Variants in INTS6L observed in about 807,000 individuals in gnomAD.
INTS6L encodes the protein integrator complex subunit 6 like, also known as integrator complex subunit 6-like.
A neutral mutation model predicts 64.7 loss-of-function variants in INTS6L; 18 were observed. That is an observed-to-expected ratio of 0.28 (90% CI 0.19 to 0.41). The LOEUF (loss-of-function observed/expected upper bound fraction) is 0.41, where lower values mean the gene tolerates loss of function less well. Among genes scored for constraint, INTS6L ranks in the 10% least tolerant of loss-of-function variants. The probability of loss-of-function intolerance (pLI) is 1.00; values close to 1 mark genes in which losing one functional copy is unlikely to be tolerated. For synonymous variants in INTS6L, 227 were observed against 235.9 expected, an observed-to-expected ratio of 0.96 and a Z score of 0.34; for missense variants, 533 against 661.0, an observed-to-expected ratio of 0.81 and a Z score of 2.12.
At chrX:135,551,528 G>C (rs781893735) in intron 7 of INTS6L, among the ~76,000 whole-genome samples, 9 of 112,056 alleles carry the variant, frequency 8.0e-5, no homozygotes, top group African/African-American at 2.9e-4. Context: ...CATCTTGCTT[G>C]TTCATGGCTT....
Position 135,545,498 on chromosome X carries a change from G to A in INTS6L, c.265G>A (p.Gly89Ser), listed in dbSNP as rs1028861615. The change falls in exon 3 of 18, where the codon GGT (glycine) becomes AGT (serine). Residue 89 changes from glycine (G) to serine (S), a missense_variant. Transcript: ENST00000639893. ...NLQASGLTTL[G>S]QALRSSFDLL... ...TCAGGCTTCTGGACTGACTACTCTC[G>A]GTCAGGCTCTAAGATCCTCATTTGA... 4 of 1,210,106 alleles carry A rather than the reference G, an allele frequency of 3.3e-6. No homozygotes were observed. The highest frequency in any genetic ancestry group is 2.2e-5 in the Admixed American group (1 of 45,806).
At position 135,582,252 on chromosome X, in the gene INTS6L, A is replaced by G. The variant is rs1216598899; in HGVS notation, c.*616A>G. 2 of 112,447 alleles carry G rather than the reference A, an allele frequency of 1.8e-5. No homozygotes were observed. The highest frequency in any genetic ancestry group is 6.5e-5 in the African/African-American group (2 of 30,851). The allele number at this position is 112,447 out of a possible 1,213,427, so 9.3% of individuals were successfully genotyped here. On this transcript the variant is annotated 3_prime_UTR_variant, in exon 18 of 18. Transcript: ENST00000639893. The stretch of plus-strand genomic sequence containing the variant: ...TCTCTTTTGTCTAGAGACATTACAA[A>G]GTGCACTTGAGGCTGCCCCCAACCT...
chrX:135,536,127 AG>A (rs1376839734), intron 2 of INTS6L, among the ~76,000 whole-genome samples: 10 of 111,918 alleles, frequency 8.9e-5, no homozygotes, highest in Non-Finnish European at 1.7e-4. Flanking sequence ...GCACCAAGTC[AG>A]GGGGACACCA....
At chrX:135,525,016 A>G (rs781978359) in intron 2 of INTS6L, among the ~76,000 whole-genome samples, 1 of 112,611 alleles carries the variant, frequency 8.9e-6, no homozygotes, top group South Asian at 3.6e-4. Flanking sequence ...TCTTCAGTGT[A>G]CACAGCTAGT....
At chrX:135,541,218 G>C (rs1158900099) in intron 2 of INTS6L, among the ~76,000 whole-genome samples, 2 of 111,433 alleles carry the variant, frequency 1.8e-5, no homozygotes, top group Non-Finnish European at 3.8e-5. Flanking sequence ...TTAAGGCCAG[G>C]CTCTCATACC....
chrX:135,551,983 AT>A lies in INTS6L; in HGVS notation c.907-3del, dbSNP rs781955214. On this transcript the variant is annotated splice_polypyrimidine_tract_variant and intron_variant, in intron 7 of 17. Transcript: ENST00000639893. ...CCATTTTTTCTGCTTTTTTTAAAAA[AT>A]TTTTTTTAGCCTCCACGAACATCTC... 1.0e-4 allele frequency: 114 copies of A among 1,109,067 alleles called. No homozygotes were observed. The highest frequency in any genetic ancestry group is 4.4e-4 in the Admixed American group (13 of 29,715). 91.4% of individuals were successfully genotyped at this position (1,109,067 alleles called of 1,213,427 possible). A position where few individuals can be genotyped will look rare whatever the true frequency, so the allele number is the denominator to read the frequency against.
chrX:135,526,795 A>T (rs2085750885), intron 2 of INTS6L, among the ~76,000 whole-genome samples: 1 of 111,663 alleles, frequency 9.0e-6, no homozygotes, highest in African/African-American at 3.3e-5. Context: ...TACTCAACAA[A>T]TGGAAAAAAG....
rs2087032695 is a variant in INTS6L at position 135,569,317 on chromosome X, A to G, written c.1193-20A>G. 2 of 1,104,761 alleles carry G rather than the reference A, an allele frequency of 1.8e-6. No homozygotes were observed. The highest frequency in any genetic ancestry group is 2.4e-6 in the Non-Finnish European group (2 of 821,221). The allele number at this position is 1,104,761 out of a possible 1,213,427, so 91.0% of individuals were successfully genotyped here. ...GAGCTCAGGACTAGAATGATGTAATATTTTATTTTTCTATTACAGATGACT... is the reference window on the plus strand; with the variant it reads ...GAGCTCAGGACTAGAATGATGTAATGTTTTATTTTTCTATTACAGATGACT... On this transcript the variant is annotated intron_variant, in intron 9 of 17. Transcript: ENST00000639893.
intron 8 of INTS6L, among the ~76,000 whole-genome samples, chrX:135,555,713 G>A (rs1336417197): frequency 1.8e-5 from 2 of 111,413 alleles, no homozygotes; most frequent in African/African-American, 6.5e-5. Flanking sequence ...TTTTGAGACA[G>A]GGTCTCGCTC....
At chrX:135,542,568 AAG>A (rs1556513266) in intron 2 of INTS6L, among the ~76,000 whole-genome samples, 1 of 110,376 alleles carries the variant, frequency 9.1e-6, no homozygotes, top group African/African-American at 3.3e-5. Context: ...GGAAGGAAGG[AAG>A]GAAGGAAACT....
At chrX:135,578,840 C>T (rs782205885) in intron 15 of INTS6L, among the ~76,000 whole-genome samples, 4 of 111,636 alleles carry the variant, frequency 3.6e-5, no homozygotes, top group Admixed American at 9.5e-5. Flanking sequence ...CACATACTCT[C>T]TAACCCTGTG....
At chrX:135,526,083 T>A (rs1556500958) in intron 2 of INTS6L, among the ~76,000 whole-genome samples, 2 of 111,831 alleles carry the variant, frequency 1.8e-5, no homozygotes, top group African/African-American at 6.5e-5. Context: ...TGTGGAGGTC[T>A]GTCTGTTCTG....
At chrX:135,550,616 G>A (rs1482236479) in intron 7 of INTS6L, among the ~76,000 whole-genome samples, 2 of 111,491 alleles carry the variant, frequency 1.8e-5, no homozygotes, top group African/African-American at 6.5e-5. Flanking sequence ...TCCTAGTTCA[G>A]TTCATCTATA....
chrX:135,570,365 C>G, intron 10 of INTS6L, 71 bp from the exon 11 acceptor site: 1 of 981,033 alleles, frequency 1.0e-6, no homozygotes, highest in Admixed American at 3.1e-5. Flanking sequence ...TCCCTTTGCC[C>G]CTTATAACTG....
chrX:135,573,355 G>A (rs2087140264), intron 12 of INTS6L, among the ~76,000 whole-genome samples: 1 of 112,629 alleles, frequency 8.9e-6, no homozygotes, highest in Non-Finnish European at 1.9e-5. Flanking sequence ...AGACACTGGT[G>A]TAGCTTGGAG....
chrX:135,547,142 T>C lies in INTS6L; in HGVS notation c.619T>C (p.Ser207Pro). 8.3e-7 allele frequency: 1 copy of C among 1,209,807 alleles called. No individual in the cohort carries two copies. Among genetic ancestry groups the C allele is most frequent in the Non-Finnish European group, 1.1e-6 (1 of 894,625 alleles). The change falls in exon 6 of 18, where the codon TCC becomes CCC. Residue 207 changes from serine to proline, a missense_variant. Physicochemically the swap from Ser to Pro is moderately conservative, Grantham distance 74. Coordinates refer to ENST00000639893, the MANE Select transcript of INTS6L (RefSeq NM_001351601.3). The part of the protein sequence containing the change: ...TQMCEVTGGR[S>P]YCVRTQRMLN... ...TATTTTTCCTTCTGGGATAGGTCGC[T>C]CCTACTGTGTGAGAACACAAAGAAT... is the stretch of plus-strand genomic sequence containing the variant.
Position 135,552,120 on chromosome X carries a change from C to T in INTS6L, c.1033C>T (p.Arg345Ter). The T allele has an allele frequency of 8.3e-7, 1 of 1,201,466 alleles. No homozygotes were observed. The highest frequency in any genetic ancestry group is 1.1e-6 in the Non-Finnish European group (1 of 892,160). Residue 345 changes from arginine (R) to a stop codon, truncating the protein, a stop_gained, in exon 8 of 18, where the codon CGA becomes TGA. Transcript: ENST00000639893. LOFTEE classifies it high-confidence loss of function. ...PSPLTQYILERKSPHTCWQVF... is the reference protein window; with the variant it reads ...PSPLTQYILE ...GCCCTTAACTCAGTATATCTTGGAA[C>T]GAAAGTCTCCCCATACCTGCTGGCA...
intron 8 of INTS6L, among the ~76,000 whole-genome samples, chrX:135,553,714 G>A (rs1403375578): frequency 9.0e-6 from 1 of 110,907 alleles, no homozygotes; most frequent in Non-Finnish European, 1.9e-5. Flanking sequence ...TACCCCAAAA[G>A]TGCTAGAAAT....
At position 135,552,152 on chromosome X, in the gene INTS6L, T is replaced by C; in HGVS notation, c.1059+6T>C. Reference sequence around the variant, plus strand: ...CTCCCCATACCTGCTGGCAGGTACTTATCCTTACCTATTAGCTAAATGTCT... The same window carrying C: ...CTCCCCATACCTGCTGGCAGGTACTCATCCTTACCTATTAGCTAAATGTCT... On this transcript the variant is annotated splice_donor_region_variant and intron_variant, in intron 8 of 17. Coordinates refer to ENST00000639893, the MANE Select transcript of INTS6L (RefSeq NM_001351601.3). 2 of 1,170,219 alleles carry C rather than the reference T, an allele frequency of 1.7e-6. No homozygotes were observed. Among genetic ancestry groups the C allele is most frequent in the Non-Finnish European group, 2.3e-6 (2 of 878,073 alleles).
Sources: allele counts gnomAD v4.1 joint callset (sites outside exome capture counted in the v4.1 genomes callset), GRCh38; gene constraint gnomAD v4.1.1; transcripts MANE v1.5; gene names NCBI Gene and HGNC (gene_info 2026-07-23, HGNC 2026-07-21).